KREMEN1: variants seen among roughly 807,000 people sequenced by gnomAD.
KREMEN1 encodes kremen protein 1.
In KREMEN1, 30 loss-of-function variants were observed where a neutral mutation model predicts 46.5. The ratio of observed to expected loss-of-function variants is 0.65; its 90% CI spans 0.48 to 0.88. The LOEUF is 0.88. Among genes scored for constraint, KREMEN1 ranks in the 40% least tolerant of loss-of-function variants. The probability of loss-of-function intolerance (pLI) is 0.00; values close to 1 mark genes in which losing one functional copy is unlikely to be tolerated. For missense variants in KREMEN1, 533 were observed against 596.9 expected (o/e 0.89, Z 1.11); for synonymous variants, 214 against 230.6 (o/e 0.93, Z 0.65).
At chr22:29,157,624 C>T (rs948102318) in intron 9 of KREMEN1, among the ~76,000 whole-genome samples, 12 of 152,126 alleles carry the variant, frequency 7.9e-5, no homozygotes, top group African/African-American at 2.7e-4. Context: ...AGGTGTGAGC[C>T]ACCACATCCA....
downstream of KREMEN1, among the ~76,000 whole-genome samples, chr22:29,149,375 A>G (rs1183004006): frequency 2.6e-5 from 4 of 151,928 alleles, no homozygotes; most frequent in Non-Finnish European, 5.9e-5. Flanking sequence ...GTTGGCCAGG[A>G]TGGTCTCGAT....
chr22:29,131,540 ATATATATATATATATATATATGTG>A (rs1280291919), intron 5 of KREMEN1, among the ~76,000 whole-genome samples: 22 of 57,860 alleles, frequency 3.8e-4, no homozygotes, highest in Non-Finnish European at 5.4e-4. Flanking sequence ...ATATATATAT[ATATATATATATATATATATATGTG>A]TGTGTGTGTG....
chr22:29,104,341 G>T (rs1407064886), intron 3 of KREMEN1, among the ~76,000 whole-genome samples: 1 of 151,878 alleles, frequency 6.6e-6, no homozygotes, highest in African/African-American at 2.4e-5. Flanking sequence ...ATTTTTTGTA[G>T]AGACAGGGTT....
chr22:29,165,334 CA>C (rs758329859), intron 9 of KREMEN1, among the ~76,000 whole-genome samples: 1 of 148,796 alleles, frequency 6.7e-6, no homozygotes, highest in Non-Finnish European at 1.5e-5. Flanking sequence ...CCCAGGAGTT[CA>C]AAGGTACAGT....
exon 10 of KREMEN1, chr22:29,167,283 C>T (rs2039061033): frequency 4.8e-6 from 3 of 626,632 alleles, no homozygotes; most frequent in Non-Finnish European, 8.7e-6. Context: ...TGCTTGAGCC[C>T]AGGAGGTCGA....
At chr22:29,147,803 G>A (rs1418837728), downstream of KREMEN1, among the ~76,000 whole-genome samples, 1 of 152,200 alleles carries the variant, frequency 6.6e-6, no homozygotes, top group South Asian at 2.1e-4. Context: ...GCAGGGGCAC[G>A]TGCATGGGGC....
chr22:29,122,277 C>T (rs181541263), intron 4 of KREMEN1, among the ~76,000 whole-genome samples: 43 of 152,322 alleles, frequency 2.8e-4, no homozygotes, highest in East Asian at 1.3e-3. Context: ...CTGCACACCA[C>T]TTCAGGATGT....
At chr22:29,081,037 G>A (rs1412427992) in intron 1 of KREMEN1, among the ~76,000 whole-genome samples, 3 of 143,596 alleles carry the variant, frequency 2.1e-5, no homozygotes, top group African/African-American at 7.8e-5. Context: ...TGTGCACAAC[G>A]TGCAGGTTAG....
chr22:29,098,045 C>T (rs1210861341), intron 2 of KREMEN1, among the ~76,000 whole-genome samples: 3 of 151,888 alleles, frequency 2.0e-5, no homozygotes, highest in Admixed American at 6.6e-5. Context: ...TCAGGCATGG[C>T]GGCGGGCACT....
chr22:29,093,958 A>G (rs970905008), intron 1 of KREMEN1, among the ~76,000 whole-genome samples: 2 of 152,194 alleles, frequency 1.3e-5, no homozygotes, highest in African/African-American at 4.8e-5. Flanking sequence ...TTCCTGGTTC[A>G]CTTCATGGGC....
intron 3 of KREMEN1, among the ~76,000 whole-genome samples, chr22:29,118,598 G>C (rs1328332922): frequency 1.3e-5 from 2 of 152,046 alleles, no homozygotes; most frequent in Non-Finnish European, 2.9e-5. Context: ...AGAGAGAGGG[G>C]GCTCTGGTCT....
chr22:29,086,026 G>GTTTT, intron 1 of KREMEN1, among the ~76,000 whole-genome samples: 1 of 142,480 alleles, frequency 7.0e-6, no homozygotes. Context: ...GGGAGGTGAG[G>GTTTT]TTTTTTTTTT....
chr22:29,152,820 T>A (rs529545825), intron 9 of KREMEN1, among the ~76,000 whole-genome samples: 15 of 152,172 alleles, frequency 9.9e-5, no homozygotes, highest in African/African-American at 3.6e-4. Flanking sequence ...GCCCCATGGG[T>A]TCCTGGCTTG....
At chr22:29,131,561 T>TATATATAC (rs1491115350) in intron 5 of KREMEN1, among the ~76,000 whole-genome samples, 1 of 63,232 alleles carries the variant, frequency 1.6e-5, no homozygotes, top group East Asian at 3.1e-4. Context: ...TATATATATA[T>TATATATAC]GTGTGTGTGT....
intron 1 of KREMEN1, among the ~76,000 whole-genome samples, chr22:29,077,292 A>G (rs2037588221): frequency 6.6e-6 from 1 of 152,230 alleles, no homozygotes; most frequent in African/African-American, 2.4e-5. Flanking sequence ...AGACAAATGA[A>G]TGGGTGTGAC....
rs181754869 is a variant in KREMEN1 at position 29,144,030 on chromosome 22, G to A, written c.*1918G>A. The stretch of plus-strand genomic sequence containing the variant: ...ACTAATTTAAAAGTCCTTGCCATCT[G>A]GAATCAGGCTTTGTCAACAGCAGCT... On this transcript the variant is annotated 3_prime_UTR_variant, in exon 9 of 9. Transcript: ENST00000400335. 8 of 985,588 alleles carry A rather than the reference G, an allele frequency of 8.1e-6. No homozygotes were observed. The highest frequency in any genetic ancestry group is 3.5e-5 in the African/African-American group (2 of 57,382). 61.1% of individuals were successfully genotyped at this position (985,588 alleles called of 1,614,324 possible).
chr22:29,109,397 A>C (rs538535684), intron 3 of KREMEN1, among the ~76,000 whole-genome samples: 33 of 152,358 alleles, frequency 2.2e-4, no homozygotes, highest in Middle Eastern at 3.4e-3. Flanking sequence ...AACCTAAGAG[A>C]AAATTGCAGA....
chr22:29,108,369 G>T (rs1177492654), intron 3 of KREMEN1, among the ~76,000 whole-genome samples: 2 of 152,248 alleles, frequency 1.3e-5, no homozygotes, highest in African/African-American at 4.8e-5. Context: ...CTGGTGGAAA[G>T]ATGGAAAGAA....
intron 1 of KREMEN1, among the ~76,000 whole-genome samples, chr22:29,079,606 G>A (rs1275571356): frequency 6.6e-6 from 1 of 152,210 alleles, no homozygotes; most frequent in Non-Finnish European, 1.5e-5. Context: ...TTTCAGTTTG[G>A]TTAGATTCTT....
Sources: allele counts gnomAD v4.1 joint callset (sites outside exome capture counted in the v4.1 genomes callset), GRCh38; gene constraint gnomAD v4.1.1; transcripts MANE v1.5; gene names NCBI Gene and HGNC (gene_info 2026-07-23, HGNC 2026-07-21).